TCF12: variants seen among roughly 807,000 people sequenced by gnomAD.
TCF12 encodes the protein DNA-binding protein HTF4.
A neutral mutation model predicts 86.0 loss-of-function variants in TCF12; 45 were observed. The ratio of observed to expected loss-of-function variants is 0.52; its 90% CI spans 0.41 to 0.67. The LOEUF (loss-of-function observed/expected upper bound fraction) is 0.67, where lower values mean the gene tolerates loss of function less well. Among genes scored for constraint, TCF12 ranks in the 30% least tolerant of loss-of-function variants. The pLI, the probability that TCF12 is intolerant of heterozygous loss-of-function variation, is 0.00. For missense variants in TCF12, 881 were observed against 859.9 expected (o/e 1.02, Z -0.31); for synonymous variants, 330 against 299.6 (o/e 1.10, Z -1.05).
intron 5 of TCF12, among the ~76,000 whole-genome samples, chr15:57,112,887 C>T (rs891992917): frequency 2.0e-5 from 3 of 151,970 alleles, no homozygotes; most frequent in Non-Finnish European, 2.9e-5. Context: ...TAATATAGAG[C>T]ATTTTATTTG....
At chr15:57,019,366 A>G (rs987920809) in intron 3 of TCF12, among the ~76,000 whole-genome samples, 12 of 152,208 alleles carry the variant, frequency 7.9e-5, no homozygotes, top group Non-Finnish European at 1.2e-4. Context: ...CACTGCACAG[A>G]TAAACCCAAT....
chr15:57,275,675 C>G (rs1476377821), intron 19 of TCF12, among the ~76,000 whole-genome samples: 5 of 151,990 alleles, frequency 3.3e-5, no homozygotes, highest in African/African-American at 9.7e-5. Context: ...GTCCCTGATC[C>G]AACACTTTCT....
chr15:57,126,454 C>T (rs1194001440), intron 5 of TCF12, among the ~76,000 whole-genome samples: 5 of 152,290 alleles, frequency 3.3e-5, no homozygotes, highest in African/African-American at 9.6e-5. Flanking sequence ...TCCATCCTCT[C>T]CAGTATAACA....
chr15:56,988,344 C>T (rs1213051205), intron 3 of TCF12, among the ~76,000 whole-genome samples: 1 of 152,122 alleles, frequency 6.6e-6, no homozygotes, highest in African/African-American at 2.4e-5. Flanking sequence ...CAAACCTGTA[C>T]AGCATGTTAC....
intron 5 of TCF12, among the ~76,000 whole-genome samples, chr15:57,107,889 A>G (rs1490717734): frequency 3.3e-5 from 5 of 152,182 alleles, no homozygotes; most frequent in African/African-American, 1.2e-4. Flanking sequence ...GCCTGGTGAC[A>G]GAGTGAGGCC....
intron 19 of TCF12, chr15:57,281,854 A>G (rs1324685106): frequency 6.3e-6 from 1 of 159,216 alleles, no homozygotes; most frequent in Non-Finnish European, 1.4e-5. Context: ...TACAGTGCAC[A>G]ATAAATGTAA....
At chr15:57,027,994 C>T (rs2065921784) in intron 3 of TCF12, among the ~76,000 whole-genome samples, 1 of 151,890 alleles carries the variant, frequency 6.6e-6, no homozygotes. Flanking sequence ...GATGGAGTCT[C>T]ACTCTGTTGC....
At chr15:57,150,077 G>T (rs1375522472) in intron 5 of TCF12, among the ~76,000 whole-genome samples, 1 of 152,114 alleles carries the variant, frequency 6.6e-6, no homozygotes, top group Non-Finnish European at 1.5e-5. Context: ...AAGATTCTGG[G>T]CCACAGCAAA....
intron 3 of TCF12, among the ~76,000 whole-genome samples, chr15:56,958,574 C>G (rs1211237265): frequency 2.0e-5 from 3 of 151,808 alleles, no homozygotes; most frequent in African/African-American, 7.3e-5. Context: ...CTGGAGAGTA[C>G]AAATATAGAA....
At chr15:57,150,935 C>CTTCT (rs1203214442) in intron 5 of TCF12, among the ~76,000 whole-genome samples, 6 of 132,370 alleles carry the variant, frequency 4.5e-5, no homozygotes, top group Non-Finnish European at 9.6e-5. Flanking sequence ...TCCTTCCTTC[C>CTTCT]TTCTTCCCTT....
chr15:57,280,209 C>A (rs1168475646), intron 19 of TCF12, among the ~76,000 whole-genome samples: 1 of 140,776 alleles, frequency 7.1e-6, no homozygotes. Context: ...TTATAAAAAA[C>A]AAACTGATGA....
chr15:57,020,633 A>G (rs537154857), intron 3 of TCF12, among the ~76,000 whole-genome samples: 157 of 152,328 alleles, frequency 1.0e-3, no homozygotes, highest in Admixed American at 1.5e-3. Flanking sequence ...CATCTACTAA[A>G]TAGATGGATA....
At chr15:56,963,946 T>C (rs1413270525) in intron 3 of TCF12, among the ~76,000 whole-genome samples, 1 of 152,180 alleles carries the variant, frequency 6.6e-6, no homozygotes. Context: ...GGTTGGGTCT[T>C]TTGAAGTGCT....
rs377479325 is a variant in TCF12, at chr15:57,253,390, C to A, written c.1389C>A (p.Ser463=). Residue 463 remains serine, a synonymous_variant, in exon 16 of 21, where the codon TCC becomes TCA. Transcript: ENST00000333725. ...ATATACATAGTTTATTGGGACCATC[C>A]CATAATGCACCAATTGGAAGCCTCA... is the stretch of plus-strand genomic sequence containing the variant. ...HSDIHSLLGP[S]HNAPIGSLNS... 1 of 1,613,890 alleles carries A rather than the reference C, an allele frequency of 6.2e-7. No individual in the cohort carries two copies. Among genetic ancestry groups the A allele is most frequent in the African/African-American group, 1.3e-5 (1 of 74,878 alleles).
intron 8 of TCF12, among the ~76,000 whole-genome samples, chr15:57,221,453 G>A (rs1247044161): frequency 6.7e-6 from 1 of 150,318 alleles, no homozygotes; most frequent in African/African-American, 2.4e-5. Flanking sequence ...GTAGGACCCT[G>A]AACCAGACTA....
At chr15:57,004,362 C>T (rs189820342) in intron 3 of TCF12, among the ~76,000 whole-genome samples, 2 of 151,860 alleles carry the variant, frequency 1.3e-5, no homozygotes, top group African/African-American at 2.4e-5. Flanking sequence ...CTCAGCTTCC[C>T]GAGTAGCTGG....
At chr15:56,933,990 G>C (rs1371832044) in intron 3 of TCF12, among the ~76,000 whole-genome samples, 1 of 151,878 alleles carries the variant, frequency 6.6e-6, no homozygotes, top group Non-Finnish European at 1.5e-5. Flanking sequence ...TGAATCATCA[G>C]AATCTCTTAT....
intron 5 of TCF12, among the ~76,000 whole-genome samples, chr15:57,152,084 T>A (rs1343003196): frequency 1.3e-5 from 2 of 151,866 alleles, no homozygotes; most frequent in African/African-American, 4.8e-5. Flanking sequence ...CTAGAGGGAG[T>A]GGAAGCCTCT....
At chr15:57,220,585 A>G (rs1297772139) in intron 8 of TCF12, among the ~76,000 whole-genome samples, 2 of 152,182 alleles carry the variant, frequency 1.3e-5, no homozygotes, top group African/African-American at 4.8e-5. Flanking sequence ...TTTTAAAATA[A>G]TACTTTTTTG....
Sources: gnomAD v4.1 joint callset for allele counts (sites outside exome capture counted in the v4.1 genomes callset) on GRCh38, gnomAD v4.1.1 for gene constraint, MANE v1.5 for transcripts, NCBI Gene and HGNC (gene_info 2026-07-23, HGNC 2026-07-21) for gene names.